Variants in PARD3B observed in about 807,000 individuals in gnomAD.
The protein encoded by PARD3B is par-3 family cell polarity regulator beta.
A neutral mutation model predicts 130.2 loss-of-function variants in PARD3B; 103 were observed. The ratio of observed to expected loss-of-function variants is 0.79; its 90% CI spans 0.67 to 0.93. The LOEUF is 0.93. Ranked by LOEUF, PARD3B falls within the 40% of genes least tolerant of loss-of-function variation. The pLI, the probability that PARD3B is intolerant of heterozygous loss-of-function variation, is 0.00. For synonymous variants in PARD3B, 583 were observed against 553.2 expected, an observed-to-expected ratio of 1.05 and a Z score of -0.76; for missense variants, 1,609 against 1,499.2, an observed-to-expected ratio of 1.07 and a Z score of -1.21.
At position 205,110,639 on chromosome 2, in the gene PARD3B, TTG is replaced by T. The variant is rs1491384817; in HGVS notation, c.594-2850_594-2849del. ...CAGTTTATTTTCTGTTTTTTGTTTT[TTG>T]TTTTTTTTGTAAGTGGCTGTCAACC... On this transcript the variant is annotated intron_variant, in intron 5 of 22. Coordinates refer to ENST00000406610, the MANE Select transcript of PARD3B (RefSeq NM_001302769.2). Among the ~76,000 whole-genome samples the T allele has an allele frequency of 7.1e-3, 887 of 125,638 alleles. 11 individuals are homozygous for T. The highest frequency in any genetic ancestry group is 0.011 in the African/African-American group (399 of 36,664). The allele number at this position is 125,638 out of a possible 152,430, so 82.4% of individuals were successfully genotyped here.
At chr2:205,227,171 G>A (rs1192791024) in intron 15 of PARD3B, among the ~76,000 whole-genome samples, 1 of 151,990 alleles carries the variant, frequency 6.6e-6, no homozygotes, top group Non-Finnish European at 1.5e-5. Context: ...TGTGGGAAAT[G>A]TTCTATGAAC....
rs1436527661 is a variant in PARD3B at position 205,440,587 on chromosome 2, C to G, written c.2959C>G (p.His987Asp). 1 of 1,614,012 alleles carries G rather than the reference C, an allele frequency of 6.2e-7. No homozygotes were observed. Among genetic ancestry groups the G allele is most frequent in the Non-Finnish European group, 8.5e-7 (1 of 1,179,918 alleles). Reference sequence around the variant, plus strand: ...ACCATTTGGTTACCCTCGGGATGGCCATCCACTGTCTCCAGAAAGAGACCA... The same window carrying G: ...ACCATTTGGTTACCCTCGGGATGGCGATCCACTGTCTCCAGAAAGAGACCA... ...AGPFGYPRDG[H>D]PLSPERDHLE... Residue 987 changes from histidine (H) to aspartate (D), a missense_variant, in exon 20 of 23, where the codon CAT (histidine) becomes GAT (aspartate). By Grantham distance (81) the His-to-Asp change is moderately conservative (BLOSUM62 -1). Transcript: ENST00000406610. The surrounding 1 kb of genome is among the most constrained non-coding windows in gnomAD (Gnocchi z 4.2).
intron 2 of PARD3B, among the ~76,000 whole-genome samples, chr2:204,938,650 G>A (rs1216641942): frequency 1.3e-5 from 2 of 152,170 alleles, no homozygotes; most frequent in African/African-American, 2.4e-5. Flanking sequence ...AAATCATTTA[G>A]GGAAATTTTA....
chr2:205,308,434 G>A (rs963087718), intron 18 of PARD3B, among the ~76,000 whole-genome samples: 10 of 151,774 alleles, frequency 6.6e-5, no homozygotes, highest in East Asian at 1.9e-4. Flanking sequence ...GTGAAACCCC[G>A]TCTCTACTAA....
chr2:205,236,420 G>T lies in PARD3B; in HGVS notation c.2141-9358G>T, dbSNP rs562599629. Among the ~76,000 whole-genome samples the T allele has an allele frequency of 0.027, 3 of 110 alleles. No homozygotes were observed. The Admixed American group carries it at 0.3, about 11-fold the overall frequency. The allele number at this position is 110 out of a possible 152,430, so 0.1% of individuals were successfully genotyped here. A position where few individuals can be genotyped will look rare whatever the true frequency, so the allele number is the denominator to read the frequency against. On this transcript the variant is annotated intron_variant, in intron 15 of 22. Coordinates refer to ENST00000406610, the MANE Select transcript of PARD3B (RefSeq NM_001302769.2). The stretch of plus-strand genomic sequence containing the variant: ...TTTAGATTGATATCCTTCTTGAATT[G>T]ATGTAAAAATTTGGCACACACACAG...
intron 2 of PARD3B, among the ~76,000 whole-genome samples, chr2:204,849,375 A>G (rs1401431101): frequency 2.0e-5 from 3 of 152,230 alleles, no homozygotes; most frequent in Non-Finnish European, 4.4e-5. Flanking sequence ...GACTTCTAAC[A>G]GCCATTCAGC....
chr2:204,777,169 G>C (rs1363030394), intron 2 of PARD3B, among the ~76,000 whole-genome samples: 1 of 152,148 alleles, frequency 6.6e-6, no homozygotes, highest in Non-Finnish European at 1.5e-5. Context: ...AACATTATCA[G>C]TTTACCCAGT....
intron 1 of PARD3B, among the ~76,000 whole-genome samples, chr2:204,632,809 G>C (rs1352228094): frequency 6.6e-6 from 1 of 152,204 alleles, no homozygotes; most frequent in Non-Finnish European, 1.5e-5. Context: ...ACCCCACCCT[G>C]CTTTTCATTC....
rs777882660 is a variant in PARD3B at position 205,591,052 on chromosome 2, C to A, written c.3261-24404C>A. On this transcript the variant is annotated intron_variant, in intron 22 of 22. Transcript: ENST00000406610. The surrounding 1 kb of genome is among the most constrained non-coding windows in gnomAD (Gnocchi z 4.2). ...GCTGCATCTGTCCCTCACTTTAGAG[C>A]TCCACGTGTCATTGTGTTTGTCTTT... 9.2e-5 allele frequency among the ~76,000 whole-genome samples: 14 copies of A among 152,106 alleles called. No homozygotes were observed. The highest frequency in any genetic ancestry group is 1.6e-4 in the Non-Finnish European group (11 of 68,032).
intron 4 of PARD3B, among the ~76,000 whole-genome samples, chr2:205,053,005 T>C (rs1699339759): frequency 6.6e-6 from 1 of 152,126 alleles, no homozygotes; most frequent in Non-Finnish European, 1.5e-5. Context: ...ACAGTGTTCT[T>C]TGGGGCTTTT....
At chr2:204,863,007 A>C (rs545514450) in intron 2 of PARD3B, among the ~76,000 whole-genome samples, 1 of 152,260 alleles carries the variant, frequency 6.6e-6, no homozygotes, top group South Asian at 2.1e-4. Flanking sequence ...CCGTCCTCCC[A>C]GTGTGCAGGT....
At chr2:205,510,063 C>T (rs2106368261) in intron 21 of PARD3B, among the ~76,000 whole-genome samples, 1 of 152,300 alleles carries the variant, frequency 6.6e-6, no homozygotes, top group South Asian at 2.1e-4. Context: ...AGCATTTTAG[C>T]ACAGGAGACT....
At chr2:204,691,291 A>C (rs1220411912) in intron 2 of PARD3B, among the ~76,000 whole-genome samples, 1 of 152,104 alleles carries the variant, frequency 6.6e-6, no homozygotes, top group Non-Finnish European at 1.5e-5. Context: ...TATAAAGTCA[A>C]TTACTGCCAT....
At chr2:205,335,075 C>G (rs1369939891) in intron 18 of PARD3B, among the ~76,000 whole-genome samples, 1 of 152,160 alleles carries the variant, frequency 6.6e-6, no homozygotes, top group Non-Finnish European at 1.5e-5. Context: ...ATAGTTTATG[C>G]CCCTCCCTTC....
rs2036663738 is a variant in PARD3B at position 204,678,541 on chromosome 2, A to T, written c.121-7640A>T. Among the ~76,000 whole-genome samples the T allele has an allele frequency of 6.6e-6, 1 of 152,136 alleles. No individual in the cohort carries two copies. The highest frequency in any genetic ancestry group is 2.4e-5 in the African/African-American group (1 of 41,412). On this transcript the variant is annotated intron_variant, in intron 1 of 22. Transcript: ENST00000406610. This position sits in a 1 kb window ranked among gnomAD's most constrained non-coding sequence, Gnocchi z 4.2. ...TAGAGCGGGGATGGTGCGGGAAGAA[A>T]GTAGTCTTTCCTTGAAGCCTGGCTG...
intron 19 of PARD3B, among the ~76,000 whole-genome samples, chr2:205,417,261 A>G (rs1278828455): frequency 1.3e-5 from 2 of 151,146 alleles, no homozygotes; most frequent in African/African-American, 4.9e-5. Context: ...ACATGAACTC[A>G]CCCTTTCTTA....
chr2:205,295,493 T>C (rs1014117341), intron 16 of PARD3B, among the ~76,000 whole-genome samples: 7 of 152,216 alleles, frequency 4.6e-5, no homozygotes, highest in African/African-American at 1.7e-4. Context: ...ATTGATGTTA[T>C]TGGAATGTAC....
chr2:205,037,519 A>T (rs1041252542), intron 3 of PARD3B, among the ~76,000 whole-genome samples: 1 of 148,168 alleles, frequency 6.7e-6, no homozygotes, highest in Non-Finnish European at 1.5e-5. Flanking sequence ...TATATATATA[A>T]AATATGTATA....
intron 15 of PARD3B, among the ~76,000 whole-genome samples, chr2:205,208,918 C>T (rs1330594157): frequency 7.7e-3 from 920 of 120,160 alleles, no homozygotes; most frequent in African/African-American, 0.013. Context: ...CCAAGTCAAT[C>T]CTAAGCCAAA....
Sources: gnomAD v4.1 joint callset for allele counts (sites outside exome capture counted in the v4.1 genomes callset) on GRCh38, gnomAD v4.1.1 for gene constraint, Gnocchi (gnomAD v3.1) non-coding constraint, MANE v1.5 for transcripts, NCBI Gene and HGNC (gene_info 2026-07-23, HGNC 2026-07-21) for gene names.